The following PIK3C2G variants were observed in gnomAD, a reference collection of about 807,000 sequenced individuals.
PIK3C2G encodes the protein phosphatidylinositol 3-kinase C2 domain-containing subunit gamma.
In PIK3C2G, 168 loss-of-function variants were observed where a neutral mutation model predicts 181.1. The ratio of observed to expected loss-of-function variants is 0.93; its 90% CI spans 0.82 to 1.05. PIK3C2G has a LOEUF of 1.05. PIK3C2G is among the 50% of genes least tolerant of loss of function. The pLI is 0.00. For synonymous variants in PIK3C2G, 573 were observed against 592.2 expected (o/e 0.97, Z 0.47); for missense variants, 1,869 against 1,732.8 (o/e 1.08, Z -1.40).
At chr12:18,384,264 A>C (rs1943032847) in intron 14 of PIK3C2G, among the ~76,000 whole-genome samples, 1 of 152,170 alleles carries the variant, frequency 6.6e-6, no homozygotes, top group Admixed American at 6.5e-5. Flanking sequence ...ATATATAGGG[A>C]AACAGAGACA....
the PIK3C2G span, chr12:18,719,431 C>T: frequency 6.9e-7 from 1 of 1,454,060 alleles, no homozygotes; most frequent in Non-Finnish European, 9.2e-7. Context: ...AAATAAATAC[C>T]TTACATATCC....
chr12:18,246,011 C>T (rs1028163353), upstream of PIK3C2G, among the ~76,000 whole-genome samples: 1 of 151,988 alleles, frequency 6.6e-6, no homozygotes, highest in African/African-American at 2.4e-5. Context: ...AAATATATTG[C>T]CCTTTAAAAG....
chr12:18,572,379 A>G (rs1205633304), intron 29 of PIK3C2G, among the ~76,000 whole-genome samples: 2 of 148,162 alleles, frequency 1.3e-5, no homozygotes, highest in African/African-American at 2.4e-5. Context: ...AAAGCTATAT[A>G]TAATATATAA....
At chr12:18,333,249 T>C (rs1290931901) in intron 8 of PIK3C2G, among the ~76,000 whole-genome samples, 1 of 152,124 alleles carries the variant, frequency 6.6e-6, no homozygotes, top group Non-Finnish European at 1.5e-5. Flanking sequence ...GGATTTTTCA[T>C]TGTTGCAGAG....
intron 13 of PIK3C2G, among the ~76,000 whole-genome samples, chr12:18,380,602 C>T (rs1942774112): frequency 6.6e-6 from 1 of 152,098 alleles, no homozygotes; most frequent in African/African-American, 2.4e-5. Context: ...TATACCAAGA[C>T]AGATTTTCTC....
At chr12:18,649,268 G>T (rs185953227), downstream of PIK3C2G, among the ~76,000 whole-genome samples, 5 of 152,130 alleles carry the variant, frequency 3.3e-5, no homozygotes, top group East Asian at 9.7e-4. Flanking sequence ...TTCCACAACT[G>T]CATCTATCCA....
intron 12 of PIK3C2G, among the ~76,000 whole-genome samples, chr12:18,366,378 C>T (rs1592075309): frequency 6.6e-6 from 1 of 151,962 alleles, no homozygotes; most frequent in African/African-American, 2.4e-5. Flanking sequence ...ACTAAAAATA[C>T]AAAAATTAGC....
intron 11 of PIK3C2G, among the ~76,000 whole-genome samples, chr12:18,360,600 T>C (rs1244798930): frequency 6.6e-6 from 1 of 152,208 alleles, no homozygotes; most frequent in Non-Finnish European, 1.5e-5. Flanking sequence ...ATAAAGTATT[T>C]CTCTTTCATC....
At chr12:18,689,963 C>G in the PIK3C2G span, among the ~76,000 whole-genome samples, 1 of 152,120 alleles carries the variant, frequency 6.6e-6, no homozygotes, top group African/African-American at 2.4e-5. Flanking sequence ...CAGCAGCTTC[C>G]TGGAGAATCA....
intron 28 of PIK3C2G, among the ~76,000 whole-genome samples, chr12:18,564,213 C>G (rs1185814384): frequency 1.3e-5 from 2 of 151,300 alleles, no homozygotes; most frequent in African/African-American, 4.9e-5. Flanking sequence ...TTCAAATAAC[C>G]CTTCAAAAAT....
intron 1 of PIK3C2G, among the ~76,000 whole-genome samples, chr12:18,278,861 A>C (rs1949092854): frequency 6.6e-6 from 1 of 152,080 alleles, no homozygotes; most frequent in Non-Finnish European, 1.5e-5. Flanking sequence ...ATTTCTTAAA[A>C]CAACCAAATT....
chr12:18,330,341 C>T (rs765273146), intron 8 of PIK3C2G, among the ~76,000 whole-genome samples: 1 of 152,082 alleles, frequency 6.6e-6, no homozygotes, highest in African/African-American at 2.4e-5. Context: ...AGATTTCATA[C>T]ACCAAAAATT....
intron 11 of PIK3C2G, among the ~76,000 whole-genome samples, chr12:18,355,609 A>T (rs1273137845): frequency 6.6e-6 from 1 of 152,096 alleles, no homozygotes; most frequent in Non-Finnish European, 1.5e-5. Flanking sequence ...CCTGGGCAGC[A>T]TGCACCGCTA....
At chr12:18,260,688 G>GA (rs768956375), upstream of PIK3C2G, among the ~76,000 whole-genome samples, 1 of 151,860 alleles carries the variant, frequency 6.6e-6, no homozygotes, top group African/African-American at 2.4e-5. Flanking sequence ...AAAAAGAAGA[G>GA]AAAAAAACAG....
chr12:18,710,446 G>T, the PIK3C2G span, among the ~76,000 whole-genome samples: 1 of 151,898 alleles, frequency 6.6e-6, no homozygotes, highest in African/African-American at 2.4e-5. Context: ...GTTAAAATAG[G>T]TAATGAAAAA....
intron 3 of PIK3C2G, 115 bp from the exon 4 acceptor site, chr12:18,290,740 T>G (rs1303902689): frequency 1.4e-6 from 1 of 691,804 alleles, no homozygotes; most frequent in Non-Finnish European, 2.5e-6. Context: ...ATCTTTTAAG[T>G]CTTTTATAGC....
intron 5 of PIK3C2G, among the ~76,000 whole-genome samples, chr12:18,304,986 TCA>T (rs1407315147): frequency 3.3e-5 from 5 of 152,236 alleles, no homozygotes; most frequent in Non-Finnish European, 7.3e-5. Flanking sequence ...TTGAGCTATC[TCA>T]CACACAGTAA....
At chr12:18,359,720 G>A (rs1006757555) in intron 11 of PIK3C2G, among the ~76,000 whole-genome samples, 8 of 151,902 alleles carry the variant, frequency 5.3e-5, no homozygotes, top group Admixed American at 3.9e-4. Flanking sequence ...TCTTTTTCTT[G>A]TTATAGTTTT....
rs572985379 is a variant in PIK3C2G at position 18,480,451 on chromosome 12, T to C, written c.2505-7998T>C. On this transcript the variant is annotated intron_variant, in intron 18 of 32. Transcript: ENST00000538779. ...GTGAGTAGGCTGGAACATGTGAACA[T>C]ATGTTACGTGTTAACATATGAGTAG... Among the ~76,000 whole-genome samples the C allele has an allele frequency of 2.6e-5, 4 of 152,286 alleles. No individual in the cohort carries two copies. In the South Asian group the frequency reaches 8.3e-4, roughly 32 times the overall value.
Sources: allele counts gnomAD v4.1 joint callset (sites outside exome capture counted in the v4.1 genomes callset), GRCh38; gene constraint gnomAD v4.1.1; transcripts MANE v1.5; gene names NCBI Gene and HGNC (gene_info 2026-07-23, HGNC 2026-07-21).